Variants in GPC5 observed in about 807,000 individuals in gnomAD.
The protein encoded by GPC5 is glypican-5.
Under a neutral mutation model 53.9 loss-of-function variants are expected in GPC5, and 47 were observed. That is an observed-to-expected ratio of 0.87 (90% CI 0.69 to 1.11). GPC5 has a LOEUF of 1.11. Ranked by LOEUF, GPC5 falls within the 50% of genes most tolerant of loss-of-function variation. The pLI is 0.00. For missense variants in GPC5, 748 were observed against 713.1 expected (o/e 1.05, Z -0.56); for synonymous variants, 286 against 263.3 (o/e 1.09, Z -0.84).
chr13:92,318,062 G>A lies in GPC5; in HGVS notation c.1561+173073G>A, dbSNP rs1485539777. On this transcript the variant is annotated intron_variant, in intron 7 of 7. Transcript: ENST00000377067. ...ATTCTTAAAAATGCCTCATTTGCCT[G>A]ATAGAAGCTTTTCAAATCGGACTAT... Among the ~76,000 whole-genome samples the A allele has an allele frequency of 2.6e-5, 4 of 152,236 alleles. 1 individual carries two copies. The South Asian group carries it at 8.3e-4, about 32-fold the overall frequency.
At chr13:92,002,829 G>A (rs1255180389) in intron 6 of GPC5, among the ~76,000 whole-genome samples, 3 of 152,132 alleles carry the variant, frequency 2.0e-5, no homozygotes. Flanking sequence ...CAGTTGATAT[G>A]AGCTGAAAAC....
rs761948876 is a variant in GPC5, at chr13:91,399,095, G to A, written c.49G>A (p.Ala17Thr). The part of the protein sequence containing the change: ...PVGFRCLLLL[A>T]LVGSARSEGV... ...GGGCTTTCGCTGCCTCCTCCTTCTG[G>A]CCCTGGTTGGGTCCGCCCGCAGCGA... Residue 17 changes from alanine (A) to threonine (T), a missense_variant, in exon 1 of 8, where the codon GCC becomes ACC. Ala to Thr is a moderately conservative substitution (Grantham distance 58). Coordinates refer to ENST00000377067, the MANE Select transcript of GPC5 (RefSeq NM_004466.6). 1.8e-5 allele frequency: 28 copies of A among 1,597,276 alleles called. No homozygotes were observed. The South Asian group carries it at 2.9e-4, about 17-fold the overall frequency.
intron 6 of GPC5, among the ~76,000 whole-genome samples, chr13:91,971,508 C>T (rs1475094168): frequency 6.6e-6 from 1 of 152,110 alleles, no homozygotes; most frequent in Non-Finnish European, 1.5e-5. Flanking sequence ...TTTGTGCTAG[C>T]TTTTGAATGT....
chr13:92,442,938 A>G (rs1877635503), intron 7 of GPC5, among the ~76,000 whole-genome samples: 1 of 152,196 alleles, frequency 6.6e-6, no homozygotes, highest in East Asian at 1.9e-4. Context: ...GAAATAAAGT[A>G]AAAAATAGAT....
At chr13:92,719,652 A>G (rs1888448289) in intron 7 of GPC5, among the ~76,000 whole-genome samples, 2 of 152,174 alleles carry the variant, frequency 1.3e-5, no homozygotes, top group African/African-American at 4.8e-5. Context: ...AAGATATTAT[A>G]ATCCCAAATT....
chr13:92,854,686 G>A (rs914129185), intron 7 of GPC5, among the ~76,000 whole-genome samples: 5 of 151,930 alleles, frequency 3.3e-5, no homozygotes, highest in Non-Finnish European at 5.9e-5. Context: ...TACCTTCACC[G>A]TAGCCTGGCA....
At chr13:91,480,203 T>G (rs1883224359) in intron 2 of GPC5, among the ~76,000 whole-genome samples, 1 of 152,206 alleles carries the variant, frequency 6.6e-6, no homozygotes, top group Admixed American at 6.5e-5. Flanking sequence ...GGCTGTAAAA[T>G]GTATGTTGTA....
intron 7 of GPC5, among the ~76,000 whole-genome samples, chr13:92,260,515 C>T (rs2042758859): frequency 6.6e-6 from 1 of 152,144 alleles, no homozygotes; most frequent in African/African-American, 2.4e-5. Flanking sequence ...TCACTGAGCT[C>T]CCTCTGTTCA....
intron 3 of GPC5, among the ~76,000 whole-genome samples, chr13:91,724,055 A>T (rs2036527811): frequency 1.3e-5 from 2 of 152,214 alleles, no homozygotes; most frequent in Admixed American, 1.3e-4. Flanking sequence ...TTTAGAAACT[A>T]GTTCTCAGAA....
chr13:91,674,402 T>C (rs947006085), intron 2 of GPC5, among the ~76,000 whole-genome samples: 17 of 149,458 alleles, frequency 1.1e-4, no homozygotes, highest in East Asian at 6.1e-4. Context: ...CACACACACA[T>C]ATATATATAT....
rs183946530 is a variant in GPC5 at position 91,543,472 on chromosome 13, C to A, written c.325+94550C>A. ...GATTTATAATTGCTTTTGTTTTTTT[C>A]CCTTTTATTACCACTTGCATATTTT... On this transcript the variant is annotated intron_variant, in intron 2 of 7. Transcript: ENST00000377067. Among the ~76,000 whole-genome samples the A allele has an allele frequency of 2.6e-5, 4 of 151,578 alleles. No homozygotes were observed. In the South Asian group the frequency reaches 8.3e-4, roughly 32 times the overall value.
intron 7 of GPC5, among the ~76,000 whole-genome samples, chr13:92,454,023 A>G (rs1878169790): frequency 6.6e-6 from 1 of 152,184 alleles, no homozygotes; most frequent in South Asian, 2.1e-4. Flanking sequence ...GTCAGAAATA[A>G]ACCCTCTAAC....
chr13:91,942,510 T>C (rs1171682861), intron 6 of GPC5, among the ~76,000 whole-genome samples: 1 of 152,088 alleles, frequency 6.6e-6, no homozygotes, highest in East Asian at 1.9e-4. Flanking sequence ...ATCAAAAAGC[T>C]ATTACTTTCA....
At chr13:91,520,566 C>T (rs1885748279) in intron 2 of GPC5, among the ~76,000 whole-genome samples, 1 of 152,144 alleles carries the variant, frequency 6.6e-6, no homozygotes, top group African/African-American at 2.4e-5. Flanking sequence ...TCTGAGCCTC[C>T]AGCCTGCAAG....
intron 2 of GPC5, among the ~76,000 whole-genome samples, chr13:91,588,079 A>T (rs1445221546): frequency 6.6e-6 from 1 of 152,136 alleles, no homozygotes; most frequent in Non-Finnish European, 1.5e-5. Context: ...AGTGTATTTG[A>T]AAGGCTAAAT....
At chr13:92,118,307 T>G (rs1379718655) in intron 6 of GPC5, among the ~76,000 whole-genome samples, 2 of 152,318 alleles carry the variant, frequency 1.3e-5, no homozygotes, top group Non-Finnish European at 1.5e-5. Context: ...ATAAATCACT[T>G]GTTTGTAAAG....
chr13:91,621,726 A>ATG (rs1256511601), intron 2 of GPC5, among the ~76,000 whole-genome samples: 1 of 141,088 alleles, frequency 7.1e-6, no homozygotes, highest in African/African-American at 2.8e-5. Flanking sequence ...ATCTAATAAT[A>ATG]TGTATTAGTC....
intron 6 of GPC5, among the ~76,000 whole-genome samples, chr13:92,042,535 A>T (rs890792393): frequency 5.3e-5 from 8 of 152,330 alleles, no homozygotes; most frequent in Non-Finnish European, 1.0e-4. Flanking sequence ...TTGAGAAGCC[A>T]CATACCACGG....
intron 6 of GPC5, among the ~76,000 whole-genome samples, chr13:91,989,616 GA>G (rs1458189921): frequency 6.6e-6 from 1 of 152,146 alleles, no homozygotes; most frequent in Non-Finnish European, 1.5e-5. Context: ...ATAGGTACTA[GA>G]AATAGTCAGG....
Sources: allele counts gnomAD v4.1 joint callset (sites outside exome capture counted in the v4.1 genomes callset), GRCh38; gene constraint gnomAD v4.1.1; transcripts MANE v1.5; gene names NCBI Gene and HGNC (gene_info 2026-07-23, HGNC 2026-07-21).